NRG1: variants seen among roughly 807,000 people sequenced by gnomAD.
NRG1 encodes the protein neuregulin 1.
Under a neutral mutation model 63.8 loss-of-function variants are expected in NRG1, and 18 were observed. That is an observed-to-expected ratio of 0.28 (90% confidence interval 0.19 to 0.42). The LOEUF (loss-of-function observed/expected upper bound fraction) is 0.42, where lower values mean the gene tolerates loss of function less well. Among genes scored for constraint, NRG1 ranks in the 10% least tolerant of loss-of-function variants. The probability of loss-of-function intolerance (pLI) is 1.00; values close to 1 mark genes in which losing one functional copy is unlikely to be tolerated. For synonymous variants in NRG1, 302 were observed against 301.3 expected (o/e 1.00, Z -0.02); for missense variants, 762 against 814.7 (o/e 0.94, Z 0.79).
At chr8:32,550,139 A>T (rs1276410128) in intron 1 of NRG1, among the ~76,000 whole-genome samples, 1 of 152,184 alleles carries the variant, frequency 6.6e-6, no homozygotes, top group African/African-American at 2.4e-5. Context: ...TTGAACAGAG[A>T]GTAATTGTTT....
intron 1 of NRG1, among the ~76,000 whole-genome samples, chr8:31,955,294 C>T (rs973781315): frequency 1.3e-5 from 2 of 152,110 alleles, no homozygotes; most frequent in Non-Finnish European, 2.9e-5. Flanking sequence ...AATAGGATCT[C>T]CACAAACAAT....
chr8:32,742,243 AGT>A lies in NRG1; in HGVS notation c.633-430_633-429del, dbSNP rs1826491241. On this transcript the variant is annotated intron_variant, in intron 6 of 11. Coordinates refer to ENST00000356819, the Ensembl canonical transcript of NRG1. The surrounding 1 kb of genome is among the most constrained non-coding windows in gnomAD (Gnocchi z 4.2). Reference sequence around the variant, plus strand: ...GTTACCTTATTTAACTGTCTCTCAAAGTGGGTCCCTAAGTCATCAATTTACAA... The same window carrying A: ...GTTACCTTATTTAACTGTCTCTCAAAGGGTCCCTAAGTCATCAATTTACAA... Among the ~76,000 whole-genome samples the A allele has an allele frequency of 6.6e-6, 1 of 152,076 alleles. No individual in the cohort carries two copies.
intron 1 of NRG1, among the ~76,000 whole-genome samples, chr8:31,801,631 C>A (rs576508926): frequency 6.6e-6 from 1 of 152,260 alleles, no homozygotes; most frequent in Non-Finnish European, 1.5e-5. Flanking sequence ...GTCTCCAAAC[C>A]AATCTTTGGT....
intron 1 of NRG1, among the ~76,000 whole-genome samples, chr8:32,570,028 C>T (rs1378535234): frequency 2.6e-5 from 4 of 151,690 alleles, no homozygotes; most frequent in Non-Finnish European, 5.9e-5. Flanking sequence ...CTGCCTCAGC[C>T]TCCTGAGTAG....
intron 1 of NRG1, among the ~76,000 whole-genome samples, chr8:32,233,536 A>AATATATATATATATATATAT (rs71541806): frequency 3.4e-5 from 3 of 88,120 alleles, no homozygotes; most frequent in Admixed American, 1.6e-4. Flanking sequence ...AACTCGAAAG[A>AATATATATATATATATATAT]ATATATATAT....
intron 1 of NRG1, among the ~76,000 whole-genome samples, chr8:32,046,852 G>T (rs752281625): frequency 4.6e-5 from 7 of 151,872 alleles, no homozygotes; most frequent in Non-Finnish European, 1.0e-4. Context: ...TGATTCTCAT[G>T]GTGATTATAT....
intron 3 of NRG1, among the ~76,000 whole-genome samples, chr8:32,613,648 T>G (rs534364166): frequency 6.6e-6 from 1 of 152,188 alleles, no homozygotes; most frequent in East Asian, 1.9e-4. Context: ...TTGTCCTGGT[T>G]AGAAAATGTG....
chr8:31,821,929 C>G (rs1824043705), intron 1 of NRG1, among the ~76,000 whole-genome samples: 1 of 152,166 alleles, frequency 6.6e-6, no homozygotes, highest in Non-Finnish European at 1.5e-5. Context: ...GTATGAGCAG[C>G]CTTTTTATAT....
At chr8:32,116,971 C>CAA (rs756283492) in intron 1 of NRG1, among the ~76,000 whole-genome samples, 394 of 31,498 alleles carry the variant, frequency 0.013, 2 homozygotes, top group African/African-American at 0.022. Context: ...CCTGTCTCTA[C>CAA]AAAAAAAAAA....
At chr8:32,109,891 C>T (rs1325083680) in intron 1 of NRG1, among the ~76,000 whole-genome samples, 1 of 152,130 alleles carries the variant, frequency 6.6e-6, no homozygotes, top group African/African-American at 2.4e-5. Flanking sequence ...TGCTAGAAAG[C>T]TCTGGGCTCC....
intron 1 of NRG1, among the ~76,000 whole-genome samples, chr8:31,960,240 C>T (rs1805224177): frequency 6.6e-6 from 1 of 152,152 alleles, no homozygotes; most frequent in African/African-American, 2.4e-5. Flanking sequence ...CTACTTTTAA[C>T]ACTTAATGGG....
chr8:32,131,490 TAGAA>T (rs755695537), intron 1 of NRG1, among the ~76,000 whole-genome samples: 2 of 152,012 alleles, frequency 1.3e-5, no homozygotes, highest in Admixed American at 1.3e-4. Context: ...GTGTGACAAA[TAGAA>T]AGGAGCTTCA....
intron 1 of NRG1, among the ~76,000 whole-genome samples, chr8:31,751,111 A>G (rs911413463): frequency 6.6e-5 from 10 of 152,004 alleles, no homozygotes; most frequent in African/African-American, 1.4e-4. Flanking sequence ...TTACACAATC[A>G]TAGGAGGTGG....
At chr8:31,678,077 C>T (rs865905378) in intron 1 of NRG1, among the ~76,000 whole-genome samples, 9 of 114,562 alleles carry the variant, frequency 7.9e-5, no homozygotes, top group Non-Finnish European at 1.3e-4. Flanking sequence ...ACCAGAAAAC[C>T]CTTTTAACTT....
At chr8:32,005,346 T>C (rs922965185) in intron 1 of NRG1, among the ~76,000 whole-genome samples, 1 of 151,980 alleles carries the variant, frequency 6.6e-6, no homozygotes, top group African/African-American at 2.4e-5. Context: ...GAAGACATCG[T>C]AGAAATTCCC....
At chr8:32,150,454 T>C (rs766479635) in intron 1 of NRG1, among the ~76,000 whole-genome samples, 29 of 152,102 alleles carry the variant, frequency 1.9e-4, no homozygotes, top group Non-Finnish European at 4.0e-4. Flanking sequence ...CATGAATGGG[T>C]TCATGCTCTT....
intron 5 of NRG1, among the ~76,000 whole-genome samples, chr8:32,679,808 G>T (rs1808129187): frequency 6.6e-6 from 1 of 152,120 alleles, no homozygotes; most frequent in South Asian, 2.1e-4. Context: ...TTCTTGCATG[G>T]AAACATACTC....
At chr8:31,990,836 T>G (rs1007735177) in intron 1 of NRG1, among the ~76,000 whole-genome samples, 1 of 152,010 alleles carries the variant, frequency 6.6e-6, no homozygotes, top group Non-Finnish European at 1.5e-5. Context: ...TGTAAATGAG[T>G]GTCATGCTTT....
intron 1 of NRG1, among the ~76,000 whole-genome samples, chr8:32,466,245 T>A (rs1219173455): frequency 6.6e-6 from 1 of 152,102 alleles, no homozygotes; most frequent in Non-Finnish European, 1.5e-5. Context: ...GAGGATTGCT[T>A]GAGCCCAGGA....
Sources: allele counts gnomAD v4.1 joint callset (sites outside exome capture counted in the v4.1 genomes callset), GRCh38; gene constraint gnomAD v4.1.1; non-coding constraint Gnocchi (gnomAD v3.1); transcripts MANE v1.5; gene names NCBI Gene and HGNC (gene_info 2026-07-23, HGNC 2026-07-21).